Variants in AGAP1 observed in about 807,000 individuals in gnomAD.
AGAP1 encodes ArfGAP with GTPase domain, ankyrin repeat and PH domain 1, also known as arf-GAP with GTPase, ANK repeat and PH domain-containing protein 1.
A neutral mutation model predicts 105.3 loss-of-function variants in AGAP1; 29 were observed. That is an observed-to-expected ratio of 0.28 (90% CI 0.21 to 0.38). The LOEUF is 0.38. Ranked by LOEUF, AGAP1 falls within the 10% of genes least tolerant of loss-of-function variation. AGAP1 has a pLI of 1.00. For missense variants in AGAP1, 998 were observed against 1,165.1 expected, an observed-to-expected ratio of 0.86 and a Z score of 2.09; for synonymous variants, 509 against 485.9, an observed-to-expected ratio of 1.05 and a Z score of -0.63.
At position 235,545,800 on chromosome 2, in the gene AGAP1, C is replaced by T. The variant is rs144191680; in HGVS notation, c.163+50951C>T. 2.2e-4 allele frequency among the ~76,000 whole-genome samples: 34 copies of T among 152,356 alleles called. 1 individual carries two copies. Among genetic ancestry groups the T allele is most frequent in the African/African-American group, 7.2e-4 (30 of 41,586 alleles). ...GACAGAGCTGGATTCTGTCTTGGCT[C>T]TGCTGGTGCTGAAAGTTCCCCAGGC... is the stretch of plus-strand genomic sequence containing the variant. On this transcript the variant is annotated intron_variant, in intron 1 of 17. Coordinates refer to ENST00000304032, the MANE Select transcript of AGAP1 (RefSeq NM_001037131.3).
chr2:236,022,501 A>G (rs1304157941), intron 13 of AGAP1, among the ~76,000 whole-genome samples: 1 of 152,098 alleles, frequency 6.6e-6, no homozygotes, highest in African/African-American at 2.4e-5. Context: ...GTTCTGTACA[A>G]CCCTGGTCCA....
At chr2:235,896,961 G>T (rs1036373405) in intron 10 of AGAP1, among the ~76,000 whole-genome samples, 2 of 152,174 alleles carry the variant, frequency 1.3e-5, no homozygotes, top group South Asian at 4.1e-4. Flanking sequence ...TAAAAGGGCC[G>T]AAAGCTATCC....
At chr2:235,999,305 G>A (rs1326192721) in intron 13 of AGAP1, among the ~76,000 whole-genome samples, 13 of 137,050 alleles carry the variant, frequency 9.5e-5, no homozygotes, top group African/African-American at 3.8e-4. Context: ...GGTGGTGATG[G>A]TGATGGTGGT....
chr2:236,119,748 C>T lies in AGAP1; in HGVS notation c.2115-444C>T, dbSNP rs2059856487. Among the ~76,000 whole-genome samples, 1 of 152,154 alleles carries T rather than the reference C, an allele frequency of 6.6e-6. No individual in the cohort carries two copies. The highest frequency in any genetic ancestry group is 1.5e-5 in the Non-Finnish European group (1 of 68,040). On this transcript the variant is annotated intron_variant, in intron 16 of 17. Transcript: ENST00000304032. The surrounding 1 kb of genome is among the most constrained non-coding windows in gnomAD (Gnocchi z 6.6). ...GGTCCCAGGCAGTAGGGTGGTTTCC[C>T]CTGTGCATCGGTGTGTGAGAGCCAC...
intron 15 of AGAP1, 45 bp from the exon 16 acceptor site, chr2:236,049,014 C>T (rs1364534807): frequency 6.5e-7 from 1 of 1,530,192 alleles, no homozygotes; most frequent in East Asian, 2.3e-5. Flanking sequence ...TGGAATGATG[C>T]ATGATGGTCT....
intron 8 of AGAP1, 76 bp from the exon 9 acceptor site, chr2:235,807,163 T>C: frequency 4.8e-6 from 7 of 1,447,574 alleles, no homozygotes; most frequent in Non-Finnish European, 6.7e-6. Flanking sequence ...TTGGCAGGAA[T>C]TCTGCAAACA....
rs1021973019 is a variant in AGAP1 at position 236,121,611 on chromosome 2, T to C, written c.2370+1164T>C. The stretch of plus-strand genomic sequence containing the variant: ...ACCACGCCCAGCCTTGATCTGACTT[T>C]TTTGATGGGTGCAGTTGGTGAATGA... On this transcript the variant is annotated intron_variant, in intron 17 of 17. Transcript: ENST00000304032. This position sits in a 1 kb window ranked among gnomAD's most constrained non-coding sequence, Gnocchi z 4.9. 1.3e-5 allele frequency among the ~76,000 whole-genome samples: 2 copies of C among 152,122 alleles called. No homozygotes were observed. The highest frequency in any genetic ancestry group is 2.9e-5 in the Non-Finnish European group (2 of 68,006).
Position 236,014,556 on chromosome 2 carries a change from C to CT in AGAP1, c.1646-22002dup, listed in dbSNP as rs1327996787. ...AGCAGACTTCTGCGCGTGGGTAGTT[C>CT]TTTGACGTTAGATGCAATCCTGATG... On this transcript the variant is annotated intron_variant, in intron 13 of 17. Coordinates refer to ENST00000304032, the MANE Select transcript of AGAP1 (RefSeq NM_001037131.3). The surrounding 1 kb of genome is among the most constrained non-coding windows in gnomAD (Gnocchi z 6.3). Among the ~76,000 whole-genome samples, 1 of 152,150 alleles carries CT rather than the reference C, an allele frequency of 6.6e-6. No individual in the cohort carries two copies. Among genetic ancestry groups the CT allele is most frequent in the African/African-American group, 2.4e-5 (1 of 41,452 alleles).
chr2:235,786,356 T>C (rs775786514), intron 6 of AGAP1, among the ~76,000 whole-genome samples: 5 of 152,254 alleles, frequency 3.3e-5, no homozygotes, highest in Non-Finnish European at 4.4e-5. Flanking sequence ...TGTTAACCTG[T>C]ATCATGAGGA....
rs2059441936 is a variant in AGAP1 at position 236,104,701 on chromosome 2, C to T, written c.2115-15491C>T. On this transcript the variant is annotated intron_variant, in intron 16 of 17. Coordinates refer to ENST00000304032, the MANE Select transcript of AGAP1 (RefSeq NM_001037131.3). This position sits in a 1 kb window ranked among gnomAD's most constrained non-coding sequence, Gnocchi z 4.7. ...GGCAGGAGGTCAAGTCTAGCCTGGC[C>T]AACATGGTGAAACCCCGTCTCTACC... 6.6e-6 allele frequency among the ~76,000 whole-genome samples: 1 copy of T among 152,142 alleles called. No homozygotes were observed. Among genetic ancestry groups the T allele is most frequent in the Admixed American group, 6.5e-5 (1 of 15,278 alleles).
In AGAP1 at chr2:235,750,146, C is replaced by T. The variant is rs1398612053; in HGVS notation, c.539-208C>T. Reference sequence around the variant, plus strand: ...TTAAAATTGCAGTTTCAGAAGCGCTCCTGTAAAACAAATATCTACGAATGA... The same window carrying T: ...TTAAAATTGCAGTTTCAGAAGCGCTTCTGTAAAACAAATATCTACGAATGA... On this transcript the variant is annotated intron_variant, in intron 5 of 17. Coordinates refer to ENST00000304032, the MANE Select transcript of AGAP1 (RefSeq NM_001037131.3). This position sits in a 1 kb window ranked among gnomAD's most constrained non-coding sequence, Gnocchi z 5.3. Among the ~76,000 whole-genome samples the T allele has an allele frequency of 6.6e-6, 1 of 152,192 alleles. No homozygotes were observed. Among genetic ancestry groups the T allele is most frequent in the Non-Finnish European group, 1.5e-5 (1 of 68,040 alleles).
At chr2:236,006,477 T>G (rs1181926027) in intron 13 of AGAP1, among the ~76,000 whole-genome samples, 1 of 152,204 alleles carries the variant, frequency 6.6e-6, no homozygotes, top group Non-Finnish European at 1.5e-5. Flanking sequence ...TGCATATATA[T>G]CTACAAATAT....
In AGAP1 at chr2:235,721,685, G is replaced by A. The variant is rs1951394143; in HGVS notation, c.310+4041G>A. Among the ~76,000 whole-genome samples, 1 of 152,178 alleles carries A rather than the reference G, an allele frequency of 6.6e-6. No individual in the cohort carries two copies. The highest frequency in any genetic ancestry group is 2.4e-5 in the African/African-American group (1 of 41,440). ...GAGGTTGAATCTGTTCTATGTCTGT[G>A]CGGTTCTGATTTAATTAGTGTGTGC... On this transcript the variant is annotated intron_variant, in intron 3 of 17. Coordinates refer to ENST00000304032, the MANE Select transcript of AGAP1 (RefSeq NM_001037131.3). This position sits in a 1 kb window ranked among gnomAD's most constrained non-coding sequence, Gnocchi z 4.5.
At chr2:235,581,784 A>C (rs1194064618) in intron 1 of AGAP1, among the ~76,000 whole-genome samples, 1 of 152,208 alleles carries the variant, frequency 6.6e-6, no homozygotes, top group Admixed American at 6.5e-5. Context: ...CAGCCTGGGC[A>C]ACAGAGCGAG....
At chr2:235,944,665 TGTGTCCAGAGGCACCACGTCA>T (rs2053408895) in intron 12 of AGAP1, among the ~76,000 whole-genome samples, 1 of 152,206 alleles carries the variant, frequency 6.6e-6, no homozygotes, top group Non-Finnish European at 1.5e-5. Context: ...TGGCTGACTG[TGTGTCCAGAGGCACCACGTCA>T]GTGTCTCTTT....
At chr2:235,937,836 G>GC (rs1381750751) in intron 12 of AGAP1, among the ~76,000 whole-genome samples, 2 of 152,190 alleles carry the variant, frequency 1.3e-5, no homozygotes, top group African/African-American at 2.4e-5. Flanking sequence ...GCAGAGACCA[G>GC]CCCCCCACAG....
chr2:236,006,687 GT>G (rs2056333924), intron 13 of AGAP1, among the ~76,000 whole-genome samples: 1 of 152,082 alleles, frequency 6.6e-6, no homozygotes, highest in African/African-American at 2.4e-5. Flanking sequence ...ATTTTTTATT[GT>G]AGAGTCTCCA....
chr2:235,968,422 A>AT (rs35278826), intron 12 of AGAP1, 40 bp from the exon 13 acceptor site: 45,578 of 1,438,480 alleles, frequency 0.032, 78 homozygotes, highest in African/African-American at 0.047. Flanking sequence ...CTCACTCTGC[A>AT]TTTTTTTTTT....
Position 235,902,398 on chromosome 2 carries a change from A to T in AGAP1, c.1156-6340A>T, listed in dbSNP as rs183990782. Among the ~76,000 whole-genome samples, 67 of 152,258 alleles carry T rather than the reference A, an allele frequency of 4.4e-4. 1 individual carries two copies. Among genetic ancestry groups the T allele is most frequent in the African/African-American group, 1.6e-3 (65 of 41,526 alleles). ...TCCATCCAACTGACTTGCCCTTTGA[A>T]TGATCTTTTACGTGTGTTTTATCCA... On this transcript the variant is annotated intron_variant, in intron 10 of 17. Transcript: ENST00000304032.
Sources: gnomAD v4.1 joint callset for allele counts (sites outside exome capture counted in the v4.1 genomes callset) on GRCh38, gnomAD v4.1.1 for gene constraint, Gnocchi (gnomAD v3.1) non-coding constraint, MANE v1.5 for transcripts, NCBI Gene and HGNC (gene_info 2026-07-23, HGNC 2026-07-21) for gene names.